The following RBFOX1 variants were observed in gnomAD, a reference collection of about 807,000 sequenced individuals.
RBFOX1 encodes RNA binding fox-1 homolog 1, also known as RNA binding protein fox-1 homolog 1.
RBFOX1 carries 8 observed loss-of-function variants against 57.7 expected under a neutral mutation model. The ratio of observed to expected loss-of-function variants is 0.14; its 90% CI spans 0.08 to 0.25. The LOEUF is 0.25. RBFOX1 is among the 10% of genes least tolerant of loss of function. The pLI, the probability that RBFOX1 is intolerant of heterozygous loss-of-function variation, is 1.00. For synonymous variants in RBFOX1, 326 were observed against 222.4 expected (o/e 1.47, Z -4.15); for missense variants, 611 against 548.5 (o/e 1.11, Z -1.14).
chr16:6,292,939 G>C (rs17139767), intron 1 of RBFOX1, among the ~76,000 whole-genome samples: 26,665 of 152,030 alleles, frequency 0.18, 2,517 homozygotes, highest in African/African-American at 0.21. Flanking sequence ...TCAACCTTAA[G>C]TACACACAGT....
At chr16:6,510,888 T>C (rs570428013) in intron 2 of RBFOX1, among the ~76,000 whole-genome samples, 47 of 152,298 alleles carry the variant, frequency 3.1e-4, no homozygotes, top group African/African-American at 1.1e-3. Context: ...GTATGCCCTC[T>C]TTAATACTTA....
intron 3 of RBFOX1, among the ~76,000 whole-genome samples, chr16:6,860,020 A>T (rs1434002466): frequency 1.3e-5 from 2 of 152,196 alleles, no homozygotes; most frequent in African/African-American, 4.8e-5. Context: ...AGGAGTTAAC[A>T]CCACAAGGGT....
chr16:7,665,871 A>ATC (rs1336978014), intron 13 of RBFOX1, among the ~76,000 whole-genome samples: 1 of 152,216 alleles, frequency 6.6e-6, no homozygotes, highest in Non-Finnish European at 1.5e-5. Context: ...TGAATAAGGC[A>ATC]CTGATTATTG....
rs1206317779 is a variant in RBFOX1 at position 6,019,951 on chromosome 16, G to A, written c.-168G>A. ...AGCGCACGGGAATTCGGGGGTCTGGGGCCGAGAACGTGACCGCAGCCGGGC... is the reference window on the plus strand; with the variant it reads ...AGCGCACGGGAATTCGGGGGTCTGGAGCCGAGAACGTGACCGCAGCCGGGC... On this transcript the variant is annotated 5_prime_UTR_variant, in exon 1 of 16. Coordinates refer to ENST00000550418, the MANE Select transcript of RBFOX1 (RefSeq NM_018723.4). This position sits in a 1 kb window ranked among gnomAD's most constrained non-coding sequence, Gnocchi z 4.2. 7.2e-6 allele frequency: 11 copies of A among 1,532,968 alleles called. No individual in the cohort carries two copies. The highest frequency in any genetic ancestry group is 9.6e-6 in the Non-Finnish European group (11 of 1,145,014). 95.0% of individuals were successfully genotyped at this position (1,532,968 alleles called of 1,614,324 possible).
In RBFOX1 at chr16:5,259,960, G is replaced by T. The variant is rs149143702; in HGVS notation, c.219+19855G>T. 2.0e-5 allele frequency among the ~76,000 whole-genome samples: 3 copies of T among 152,298 alleles called. No homozygotes were observed. The East Asian group carries it at 5.8e-4, about 29-fold the overall frequency. ...CTCACACCTGTAATCTTAGCACTTGGGAGGCTGAGGTGGTCAGATCACTTG... is the reference window on the plus strand; with the variant it reads ...CTCACACCTGTAATCTTAGCACTTGTGAGGCTGAGGTGGTCAGATCACTTG... On this transcript the variant is annotated intron_variant, in intron 1 of 2. Transcript: ENST00000585867.
At chr16:6,343,645 A>G (rs1699131037) in intron 2 of RBFOX1, among the ~76,000 whole-genome samples, 1 of 152,240 alleles carries the variant, frequency 6.6e-6, no homozygotes, top group South Asian at 2.1e-4. Flanking sequence ...CTATAGATGT[A>G]GAAAGTTTTT....
At chr16:7,229,052 T>TA (rs2093327171) in intron 4 of RBFOX1, among the ~76,000 whole-genome samples, 1 of 151,010 alleles carries the variant, frequency 6.6e-6, no homozygotes, top group African/African-American at 2.5e-5. Flanking sequence ...TAAACTGTTT[T>TA]TAAAAATGGT....
At chr16:7,190,318 C>A (rs957000649) in intron 4 of RBFOX1, among the ~76,000 whole-genome samples, 2 of 152,160 alleles carry the variant, frequency 1.3e-5, no homozygotes, top group African/African-American at 4.8e-5. Flanking sequence ...GAGATCACAC[C>A]ACCGTACTCC....
At chr16:6,714,511 G>T (rs1485364393) in intron 3 of RBFOX1, among the ~76,000 whole-genome samples, 3 of 152,134 alleles carry the variant, frequency 2.0e-5, no homozygotes, top group African/African-American at 4.8e-5. Context: ...CTACCCAAGG[G>T]CAGGGGGCCT....
At chr16:7,645,317 A>C (rs892848029) in intron 11 of RBFOX1, among the ~76,000 whole-genome samples, 1 of 152,128 alleles carries the variant, frequency 6.6e-6, no homozygotes, top group Non-Finnish European at 1.5e-5. Flanking sequence ...GGGCTGTGTC[A>C]ATTTCCTCGT....
intron 4 of RBFOX1, among the ~76,000 whole-genome samples, chr16:5,977,322 T>A (rs965285328): frequency 6.6e-6 from 1 of 152,114 alleles, no homozygotes; most frequent in Admixed American, 6.5e-5. Context: ...CTTCCTGGGC[T>A]TTCACAGGCC....
intron 8 of RBFOX1, chr16:7,597,165 T>A (rs2094746543): frequency 6.7e-6 from 3 of 446,474 alleles, no homozygotes. Flanking sequence ...TTTATTGAAA[T>A]GATTTGTAAG....
intron 2 of RBFOX1, among the ~76,000 whole-genome samples, chr16:6,563,110 C>A (rs2097206459): frequency 6.6e-6 from 1 of 152,002 alleles, no homozygotes; most frequent in Non-Finnish European, 1.5e-5. Context: ...TTTCCCCAGG[C>A]CCAAGTGCAA....
At position 5,716,337 on chromosome 16, in the gene RBFOX1, A is replaced by G. The variant is rs529200181; in HGVS notation, c.318+117376A>G. Among the ~76,000 whole-genome samples the G allele has an allele frequency of 9.2e-5, 14 of 152,296 alleles. No homozygotes were observed. The East Asian group carries it at 2.7e-3, about 29-fold the overall frequency. ...AAACTTATGGGAGATTGTTGTACAG[A>G]TTGTTTCATCCCCCAGGCATTAAGC... On this transcript the variant is annotated intron_variant, in intron 3 of 19. Transcript: ENST00000641259.
intron 2 of RBFOX1, among the ~76,000 whole-genome samples, chr16:6,512,525 G>C (rs921266947): frequency 6.6e-6 from 1 of 152,070 alleles, no homozygotes; most frequent in Non-Finnish European, 1.5e-5. Context: ...AGAGGGTCTG[G>C]ACCAAGACTG....
chr16:5,512,516 A>G (rs1192061969), intron 2 of RBFOX1, among the ~76,000 whole-genome samples: 1 of 152,092 alleles, frequency 6.6e-6, no homozygotes, highest in Non-Finnish European at 1.5e-5. Flanking sequence ...CACAATCATC[A>G]CAATCATGGA....
At chr16:7,120,387 C>G (rs1269603122) in intron 4 of RBFOX1, among the ~76,000 whole-genome samples, 1 of 151,914 alleles carries the variant, frequency 6.6e-6, no homozygotes, top group Non-Finnish European at 1.5e-5. Context: ...AAACCTAAAT[C>G]TGGCTCTTTC....
intron 1 of RBFOX1, among the ~76,000 whole-genome samples, chr16:6,272,760 T>C (rs1049618384): frequency 3.9e-5 from 6 of 152,152 alleles, no homozygotes; most frequent in Admixed American, 2.0e-4. Flanking sequence ...AAAAAGTGTA[T>C]AGAACCCAGA....
chr16:7,073,289 C>T (rs1351803812), intron 4 of RBFOX1, among the ~76,000 whole-genome samples: 3 of 152,136 alleles, frequency 2.0e-5, no homozygotes, highest in African/African-American at 7.2e-5. Context: ...CTATTTGGCT[C>T]TTTTCAGAAA....
Sources: gnomAD v4.1 joint callset for allele counts (sites outside exome capture counted in the v4.1 genomes callset) on GRCh38, gnomAD v4.1.1 for gene constraint, Gnocchi (gnomAD v3.1) non-coding constraint, MANE v1.5 for transcripts, NCBI Gene and HGNC (gene_info 2026-07-23, HGNC 2026-07-21) for gene names.